The following DNAAF9 variants were observed in gnomAD, a reference collection of about 807,000 sequenced individuals.
DNAAF9 encodes the protein shulin.
In DNAAF9, 90 loss-of-function variants were observed where a neutral mutation model predicts 167.0. The observed-to-expected ratio is 0.54, with a 90% CI of 0.45 to 0.64. DNAAF9 has a LOEUF of 0.64. DNAAF9 is among the 30% of genes least tolerant of loss of function. The probability of loss-of-function intolerance (pLI) is 0.00; values close to 1 mark genes in which losing one functional copy is unlikely to be tolerated. For missense variants in DNAAF9, 1,315 were observed against 1,442.2 expected (o/e 0.91, Z 1.43); for synonymous variants, 491 against 508.8 (o/e 0.96, Z 0.47).
chr20:3,401,149 C>G (rs1299899787), intron 1 of DNAAF9, among the ~76,000 whole-genome samples: 1 of 152,160 alleles, frequency 6.6e-6, no homozygotes, highest in Non-Finnish European at 1.5e-5. Flanking sequence ...GATAACTAAC[C>G]TCTGTGAGGC....
chr20:3,304,268 G>A (rs2069247648), intron 21 of DNAAF9, among the ~76,000 whole-genome samples, 172 bp downstream of exon 21: 1 of 152,180 alleles, frequency 6.6e-6, no homozygotes, highest in African/African-American at 2.4e-5. Context: ...TAAGCGTCTT[G>A]AGAATGCCCA....
intron 6 of DNAAF9, chr20:3,362,261 C>A: frequency 7.5e-7 from 1 of 1,331,840 alleles, no homozygotes. Context: ...TGGCTTTCTT[C>A]GAGTTCTTCC....
chr20:3,362,511 T>G (rs570142318), intron 6 of DNAAF9, among the ~76,000 whole-genome samples: 128 of 152,234 alleles, frequency 8.4e-4, no homozygotes, highest in African/African-American at 3.0e-3. Flanking sequence ...AAATCAATTC[T>G]GTTTTTTTTC....
chr20:3,325,625 G>A (rs1317497730), intron 13 of DNAAF9, among the ~76,000 whole-genome samples: 1 of 152,152 alleles, frequency 6.6e-6, no homozygotes, highest in African/African-American at 2.4e-5. Context: ...AGGTCCTATT[G>A]GCATTTGGGA....
At chr20:3,336,258 GTTTTT>G (rs367718705) in intron 10 of DNAAF9, among the ~76,000 whole-genome samples, 2 of 113,566 alleles carry the variant, frequency 1.8e-5, no homozygotes, top group Non-Finnish European at 3.5e-5. Flanking sequence ...TTGCGTTTTT[GTTTTT>G]TTTTTTTTTT....
At chr20:3,325,459 T>G (rs2069693905) in intron 13 of DNAAF9, among the ~76,000 whole-genome samples, 1 of 152,224 alleles carries the variant, frequency 6.6e-6, no homozygotes, top group African/African-American at 2.4e-5. Context: ...GCCTTCTGCA[T>G]GTAGTGGCTA....
intron 16 of DNAAF9, 25 bp downstream of exon 16, chr20:3,322,192 G>C (rs1308021938): frequency 6.3e-7 from 1 of 1,589,990 alleles, no homozygotes; most frequent in Non-Finnish European, 8.6e-7. Context: ...TTCCCAGCCA[G>C]CTGACCCATG....
Position 3,338,847 on chromosome 20 carries a change from T to C in DNAAF9, c.981+1657A>G, listed in dbSNP as rs559251929. Among the ~76,000 whole-genome samples, 549 of 152,082 alleles carry C rather than the reference T, an allele frequency of 3.6e-3. 1 individual carries two copies. The highest frequency in any genetic ancestry group is 0.02 in the Middle Eastern group (6 of 294). On this transcript the variant is annotated intron_variant, in intron 10 of 36. Coordinates refer to ENST00000252032, the MANE Select transcript of DNAAF9 (RefSeq NM_001009984.3). Reference sequence around the variant, plus strand: ...TTTTGTATTTTTAGTAGAGATGGGGTTTCACTATATTGGCCAGGCTGGTCT... The same window carrying C: ...TTTTGTATTTTTAGTAGAGATGGGGCTTCACTATATTGGCCAGGCTGGTCT...
intron 6 of DNAAF9, among the ~76,000 whole-genome samples, chr20:3,368,295 T>C (rs2083457111): frequency 2.6e-5 from 4 of 152,108 alleles, no homozygotes; most frequent in South Asian, 4.1e-4. Context: ...TTTCTCAAAG[T>C]GATAAGCTAG....
chr20:3,392,770 A>T (rs1311399388), intron 1 of DNAAF9, among the ~76,000 whole-genome samples: 1 of 150,446 alleles, frequency 6.6e-6, no homozygotes, highest in Non-Finnish European at 1.5e-5. Context: ...ATTTTTACCC[A>T]GTTTTTCTCC....
intron 1 of DNAAF9, among the ~76,000 whole-genome samples, chr20:3,383,514 C>T (rs972690017): frequency 2.0e-5 from 3 of 151,752 alleles, no homozygotes; most frequent in Non-Finnish European, 2.9e-5. Flanking sequence ...GTGATCCGTC[C>T]GCCTCATGCC....
intron 12 of DNAAF9, among the ~76,000 whole-genome samples, chr20:3,330,242 G>GTCT (rs758044073): frequency 2.0e-5 from 3 of 152,038 alleles, no homozygotes; most frequent in African/African-American, 7.2e-5. Context: ...TAAACCAGAT[G>GTCT]TCTTCTTCTT....
chr20:3,378,312 T>C (rs1249692066), intron 3 of DNAAF9, among the ~76,000 whole-genome samples: 2 of 152,180 alleles, frequency 1.3e-5, no homozygotes, highest in African/African-American at 4.8e-5. Flanking sequence ...ACGATACTGC[T>C]TGTCCCTTTA....
intron 21 of DNAAF9, among the ~76,000 whole-genome samples, chr20:3,298,926 T>TTGG (rs2069132619): frequency 6.7e-6 from 1 of 149,012 alleles, no homozygotes; most frequent in Non-Finnish European, 1.5e-5. Context: ...TTTTTTTTTT[T>TTGG]GAGATGGAGT....
At chr20:3,264,361 CTTTT>C in intron 31 of DNAAF9, 73 bp downstream of exon 31, 4 of 596,584 alleles carry the variant, frequency 6.7e-6, no homozygotes, top group East Asian at 3.4e-5. Context: ...CACCTTCTCT[CTTTT>C]TTTTTTTCTG....
chr20:3,393,567 A>G (rs1365104842), intron 1 of DNAAF9, among the ~76,000 whole-genome samples: 1 of 152,170 alleles, frequency 6.6e-6, no homozygotes, highest in Non-Finnish European at 1.5e-5. Flanking sequence ...GTACTGTATT[A>G]TTTTGTTTTT....
Position 3,258,516 on chromosome 20 carries a change from C to T in DNAAF9, c.3055+964G>A, listed in dbSNP as rs144367245. Among the ~76,000 whole-genome samples, 1,384 of 152,192 alleles carry T rather than the reference C, an allele frequency of 9.1e-3. 19 individuals carry two copies. Among genetic ancestry groups the T allele is most frequent in the African/African-American group, 0.032 (1,329 of 41,524 alleles). Reference sequence around the variant, plus strand: ...GGCACAGCAATCCAATGAGATAAGTCGGCAGAGAAATTGGGGGAGGCGCTG... The same window carrying T: ...GGCACAGCAATCCAATGAGATAAGTTGGCAGAGAAATTGGGGGAGGCGCTG... On this transcript the variant is annotated intron_variant, in intron 33 of 36. Transcript: ENST00000252032.
At chr20:3,382,307 G>C (rs571877371) in intron 2 of DNAAF9, 120 bp downstream of exon 2, 2 of 762,520 alleles carry the variant, frequency 2.6e-6, no homozygotes, top group South Asian at 3.2e-5. Flanking sequence ...GGGGGAACAA[G>C]AACTAGGAGG....
Position 3,391,682 on chromosome 20 carries a change from G to A in DNAAF9, c.84-9176C>T, listed in dbSNP as rs141967695. Among the ~76,000 whole-genome samples the A allele has an allele frequency of 5.5e-3, 820 of 148,720 alleles. 2 individuals are homozygous for A. The highest frequency in any genetic ancestry group is 6.9e-3 in the Middle Eastern group (2 of 288). On this transcript the variant is annotated intron_variant, in intron 1 of 36. Coordinates refer to ENST00000252032, the MANE Select transcript of DNAAF9 (RefSeq NM_001009984.3). Reference sequence around the variant, plus strand: ...TGCAACCTCTGCCTCCCGGGTTCAAGCGTTTCTCCTGCCTCAGGCTCCTGA... The same window carrying A: ...TGCAACCTCTGCCTCCCGGGTTCAAACGTTTCTCCTGCCTCAGGCTCCTGA...
Sources: allele counts gnomAD v4.1 joint callset (sites outside exome capture counted in the v4.1 genomes callset), GRCh38; gene constraint gnomAD v4.1.1; transcripts MANE v1.5; gene names NCBI Gene and HGNC (gene_info 2026-07-23, HGNC 2026-07-21).